The following FRMD4A variants were observed in gnomAD, a reference collection of about 807,000 sequenced individuals.
FRMD4A encodes the protein FERM domain-containing protein 4A.
FRMD4A carries 29 observed loss-of-function variants against 129.1 expected under a neutral mutation model. The ratio of observed to expected loss-of-function variants is 0.22; its 90% CI spans 0.17 to 0.31. The LOEUF (loss-of-function observed/expected upper bound fraction) is 0.31. FRMD4A is among the 10% of genes least tolerant of loss of function. The probability of loss-of-function intolerance (pLI) is 1.00; values close to 1 mark genes in which losing one functional copy is unlikely to be tolerated. For missense variants in FRMD4A, 1,272 were observed against 1,375.8 expected (o/e 0.92, Z 1.19); for synonymous variants, 634 against 571.6 (o/e 1.11, Z -1.56).
At chr10:13,826,818 A>G (rs2093707970) in intron 3 of FRMD4A, among the ~76,000 whole-genome samples, 1 of 152,174 alleles carries the variant, frequency 6.6e-6, no homozygotes, top group Admixed American at 6.5e-5. Flanking sequence ...GGGCTGAAAA[A>G]TATTTATTCC....
intron 2 of FRMD4A, among the ~76,000 whole-genome samples, chr10:14,216,805 T>C (rs142983324): frequency 2.0e-4 from 31 of 152,304 alleles, no homozygotes; most frequent in Middle Eastern, 3.4e-3. Flanking sequence ...GTGTCTATCA[T>C]ATGCCTGAAA....
Position 13,666,098 on chromosome 10 carries a change from G to T in FRMD4A, c.1602C>A (p.Asp534Glu). The T allele has an allele frequency of 6.3e-7, 1 of 1,589,492 alleles. No individual in the cohort carries two copies. Among genetic ancestry groups the T allele is most frequent in the South Asian group, 1.1e-5 (1 of 90,574 alleles). Residue 534 changes from aspartate to glutamate, a missense_variant and splice_region_variant, in exon 18 of 25, where the codon GAC becomes GAA. Physicochemically the swap from Asp to Glu is conservative, Grantham distance 45. Coordinates refer to ENST00000357447, the MANE Select transcript of FRMD4A (RefSeq NM_018027.5). ...KPTQRASLII[D>E]DGNIASEDSS... ...GGGGGCAGCCCGGTTGGCACTGACCGTCTATGATCAGCGAAGCCCTCTGGG... is the reference window on the plus strand; with the variant it reads ...GGGGGCAGCCCGGTTGGCACTGACCTTCTATGATCAGCGAAGCCCTCTGGG...
At chr10:14,328,625 C>CGTGT (rs1564468712) in intron 2 of FRMD4A, among the ~76,000 whole-genome samples, 48 of 88,316 alleles carry the variant, frequency 5.4e-4, no homozygotes, top group African/African-American at 2.7e-3. Flanking sequence ...TATACATATG[C>CGTGT]ATGTGTGTGT....
At chr10:13,840,383 T>C (rs953259557) in intron 3 of FRMD4A, among the ~76,000 whole-genome samples, 4 of 152,190 alleles carry the variant, frequency 2.6e-5, no homozygotes, top group South Asian at 2.1e-4. Context: ...GAGACTCTGA[T>C]CCTGGACTTC....
At chr10:14,063,202 A>G (rs1046100671) in intron 2 of FRMD4A, among the ~76,000 whole-genome samples, 1 of 151,942 alleles carries the variant, frequency 6.6e-6, no homozygotes. Flanking sequence ...TTTAAGATTA[A>G]CAGTATGTTG....
At chr10:14,293,814 C>T (rs922969261) in intron 2 of FRMD4A, among the ~76,000 whole-genome samples, 4 of 152,120 alleles carry the variant, frequency 2.6e-5, no homozygotes, top group African/African-American at 9.7e-5. Flanking sequence ...TTGTCACACT[C>T]GTGAAAATAT....
intron 2 of FRMD4A, among the ~76,000 whole-genome samples, chr10:14,292,530 T>C (rs1231726539): frequency 1.3e-5 from 2 of 152,258 alleles, no homozygotes; most frequent in Admixed American, 6.5e-5. Flanking sequence ...CTGGGCATGG[T>C]GGCTCACGCC....
intron 14 of FRMD4A, among the ~76,000 whole-genome samples, chr10:13,700,992 T>C (rs1319121099): frequency 6.6e-6 from 1 of 152,010 alleles, no homozygotes; most frequent in Non-Finnish European, 1.5e-5. Context: ...GAAGATAGTA[T>C]ACCACTGTTT....
intron 12 of FRMD4A, among the ~76,000 whole-genome samples, chr10:13,736,088 G>T (rs376004927): frequency 2.6e-5 from 4 of 152,230 alleles, no homozygotes; most frequent in African/African-American, 9.6e-5. Context: ...GGAAGCAAAG[G>T]TTGCAGTGAG....
chr10:14,221,873 CCTGT>C (rs1843273784), intron 2 of FRMD4A, among the ~76,000 whole-genome samples: 1 of 152,044 alleles, frequency 6.6e-6, no homozygotes, highest in East Asian at 1.9e-4. Flanking sequence ...TGTTTCTGAA[CCTGT>C]CTGTGTTATT....
chr10:13,895,332 T>C (rs918106780), intron 2 of FRMD4A, among the ~76,000 whole-genome samples: 1 of 152,214 alleles, frequency 6.6e-6, no homozygotes, highest in African/African-American at 2.4e-5. Flanking sequence ...AATGAGAACA[T>C]GCAGAATTTG....
chr10:14,189,122 C>T (rs1184542497), intron 2 of FRMD4A, among the ~76,000 whole-genome samples: 1 of 152,162 alleles, frequency 6.6e-6, no homozygotes, highest in Non-Finnish European at 1.5e-5. Flanking sequence ...GTCCTATAGA[C>T]AGTGAGAGCT....
intron 2 of FRMD4A, among the ~76,000 whole-genome samples, chr10:14,235,305 T>C (rs7090225): frequency 0.16 from 15,399 of 96,418 alleles, 3,543 homozygotes; most frequent in Middle Eastern, 0.24. Flanking sequence ...CCCGCCACCA[T>C]GCCCAGCTAA....
chr10:14,315,437 C>T lies in FRMD4A; in HGVS notation c.45+14621G>A, dbSNP rs143845003. 2.4e-3 allele frequency among the ~76,000 whole-genome samples: 369 copies of T among 152,320 alleles called. 2 individuals carry two copies. Among genetic ancestry groups the T allele is most frequent in the African/African-American group, 8.3e-3 (346 of 41,578 alleles). On this transcript the variant is annotated intron_variant, in intron 2 of 24. Transcript: ENST00000357447. ...TAAAGATCTGAGGTCATCCTTGCCT[C>T]CTCCCTCTGCCTCATGTATGCGAGT...
chr10:14,128,007 T>TTCCTTCCTTC (rs1564319699), intron 2 of FRMD4A, among the ~76,000 whole-genome samples: 1 of 95,748 alleles, frequency 1.0e-5, no homozygotes, highest in African/African-American at 4.4e-5. Context: ...TCTCTTTCTT[T>TTCCTTCCTTC]CTTTCTTCCT....
At chr10:13,654,156 T>G (rs1408124627) in intron 23 of FRMD4A, 2 of 559,688 alleles carry the variant, frequency 3.6e-6, no homozygotes, top group Non-Finnish European at 6.3e-6. Context: ...CAGTCCCACT[T>G]CGTGCTTCCA....
intron 2 of FRMD4A, among the ~76,000 whole-genome samples, chr10:14,320,569 G>A (rs1846937898): frequency 1.3e-5 from 2 of 152,178 alleles, no homozygotes; most frequent in African/African-American, 2.4e-5. Flanking sequence ...ACCTGTCCCT[G>A]CCCCTGCCTC....
intron 2 of FRMD4A, among the ~76,000 whole-genome samples, chr10:14,026,635 C>T (rs573924294): frequency 6.6e-6 from 1 of 152,216 alleles, no homozygotes; most frequent in Non-Finnish European, 1.5e-5. Context: ...GAGCTACAGA[C>T]CTTCCTAGGG....
chr10:13,878,750 C>T (rs1434816066), intron 2 of FRMD4A, among the ~76,000 whole-genome samples: 1 of 145,006 alleles, frequency 6.9e-6, no homozygotes, highest in Non-Finnish European at 1.5e-5. Flanking sequence ...GAGACTCCAT[C>T]ACAAAACATA....
Sources: gnomAD v4.1 joint callset for allele counts (sites outside exome capture counted in the v4.1 genomes callset) on GRCh38, gnomAD v4.1.1 for gene constraint, MANE v1.5 for transcripts, NCBI Gene and HGNC (gene_info 2026-07-23, HGNC 2026-07-21) for gene names.